The following KCNQ3 variants were observed in gnomAD, a reference collection of about 807,000 sequenced individuals.
KCNQ3 encodes potassium voltage-gated channel subfamily KQT member 3.
In KCNQ3, 30 loss-of-function variants were observed where a neutral mutation model predicts 92.5. The ratio of observed to expected loss-of-function variants is 0.32; its 90% confidence interval spans 0.24 to 0.44. KCNQ3 has a LOEUF of 0.44. Ranked by LOEUF, KCNQ3 falls within the 20% of genes least tolerant of loss-of-function variation. The probability of loss-of-function intolerance (pLI) is 1.00; values close to 1 mark genes in which losing one functional copy is unlikely to be tolerated. For missense variants in KCNQ3, 913 were observed against 1,140.3 expected (o/e 0.80, Z 2.87); for synonymous variants, 450 against 468.8 (o/e 0.96, Z 0.52).
chr8:132,260,736 C>T (rs1232212845), intron 1 of KCNQ3, among the ~76,000 whole-genome samples: 1 of 152,084 alleles, frequency 6.6e-6, no homozygotes, highest in African/African-American at 2.4e-5. Context: ...TTATCAACTT[C>T]TGCTTTGATC....
intron 1 of KCNQ3, among the ~76,000 whole-genome samples, chr8:132,352,106 C>G (rs1248778254): frequency 6.6e-6 from 1 of 152,138 alleles, no homozygotes; most frequent in Admixed American, 6.5e-5. Flanking sequence ...GTGAGGGTGG[C>G]ACTGTTTTCA....
At chr8:132,178,670 G>A (rs192622974) in intron 4 of KCNQ3, among the ~76,000 whole-genome samples, 1 of 152,094 alleles carries the variant, frequency 6.6e-6, no homozygotes, top group African/African-American at 2.4e-5. Context: ...ACTCCGAGAT[G>A]CAATCTCATA....
intron 1 of KCNQ3, among the ~76,000 whole-genome samples, chr8:132,253,641 A>G (rs746774727): frequency 1.3e-5 from 2 of 152,168 alleles, no homozygotes; most frequent in Non-Finnish European, 2.9e-5. Flanking sequence ...TCTGCTTTAT[A>G]CATTTATTCT....
Position 132,191,755 on chromosome 8 carries a change from A to G in KCNQ3, c.387-5574T>C, listed in dbSNP as rs370606232. On this transcript the variant is annotated intron_variant, in intron 1 of 14. Coordinates refer to ENST00000388996, the MANE Select transcript of KCNQ3 (RefSeq NM_004519.4). The stretch of plus-strand genomic sequence containing the variant: ...CGACGTTATCATGAGCTGACCAGAG[A>G]GGAGGAGGGTGCGCTGGAGAGATGA... Among the ~76,000 whole-genome samples, 20 of 151,946 alleles carry G rather than the reference A, an allele frequency of 1.3e-4. No homozygotes were observed. The East Asian group carries it at 2.7e-3, about 21-fold the overall frequency.
chr8:132,150,201 G>T (rs1034779925), intron 9 of KCNQ3, among the ~76,000 whole-genome samples: 1 of 152,100 alleles, frequency 6.6e-6, no homozygotes, highest in Non-Finnish European at 1.5e-5. Context: ...AGCCATTCTG[G>T]TGTGCTTTGC....
chr8:132,249,765 C>T (rs1042683846), intron 1 of KCNQ3, among the ~76,000 whole-genome samples: 9 of 152,160 alleles, frequency 5.9e-5, no homozygotes, highest in African/African-American at 1.2e-4. Context: ...GGGGGAGGCT[C>T]GGGCATGACG....
chr8:132,221,449 C>T (rs147431603), intron 1 of KCNQ3, among the ~76,000 whole-genome samples: 7,234 of 152,216 alleles, frequency 0.048, 585 homozygotes, highest in African/African-American at 0.16. Context: ...AAAAGTGTTC[C>T]TATTTCTTCA....
intron 8 of KCNQ3, among the ~76,000 whole-genome samples, chr8:132,168,462 C>T (rs1355632268): frequency 1.3e-5 from 2 of 151,992 alleles, no homozygotes; most frequent in African/African-American, 4.8e-5. Flanking sequence ...GACGGAGTGC[C>T]CTGAGTGCCC....
intron 1 of KCNQ3, among the ~76,000 whole-genome samples, chr8:132,428,725 G>A (rs953456248): frequency 2.6e-5 from 4 of 152,180 alleles, no homozygotes; most frequent in African/African-American, 4.8e-5. Context: ...CATATGCCTC[G>A]CCAGGAGCAC....
chr8:132,327,320 T>G (rs1818088951), intron 1 of KCNQ3, among the ~76,000 whole-genome samples: 1 of 152,190 alleles, frequency 6.6e-6, no homozygotes, highest in African/African-American at 2.4e-5. Flanking sequence ...TTTGCCTTAT[T>G]TCTTTGAATT....
intron 1 of KCNQ3, among the ~76,000 whole-genome samples, chr8:132,404,655 TAA>T (rs1379449804): frequency 1.3e-5 from 2 of 152,280 alleles, no homozygotes; most frequent in Non-Finnish European, 2.9e-5. Flanking sequence ...CTCCTTGCAA[TAA>T]ATCCCTTTAT....
chr8:132,182,002 G>A (rs556910439), intron 3 of KCNQ3, among the ~76,000 whole-genome samples: 2 of 148,474 alleles, frequency 1.3e-5, no homozygotes, highest in Non-Finnish European at 3.0e-5. Context: ...CCGAGATCGT[G>A]CCACTGCACT....
intron 1 of KCNQ3, among the ~76,000 whole-genome samples, chr8:132,479,195 G>T (rs1327674780): frequency 6.6e-6 from 1 of 151,888 alleles, no homozygotes; most frequent in African/African-American, 2.4e-5. Context: ...TCCCAAATAC[G>T]GGTGGATTTT....
intron 13 of KCNQ3, 92 bp downstream of exon 13, chr8:132,134,198 C>A: frequency 1.1e-6 from 1 of 914,104 alleles, no homozygotes; most frequent in Non-Finnish European, 1.8e-6. Flanking sequence ...GACAACTTCA[C>A]CCACATAAAG....
intron 1 of KCNQ3, among the ~76,000 whole-genome samples, chr8:132,273,058 G>A (rs1816202571): frequency 6.6e-6 from 1 of 152,132 alleles, no homozygotes; most frequent in Admixed American, 6.5e-5. Flanking sequence ...CCATTCTGGG[G>A]TCTGGAGGAT....
chr8:132,441,790 T>C (rs1273977604), intron 1 of KCNQ3, among the ~76,000 whole-genome samples: 1 of 152,194 alleles, frequency 6.6e-6, no homozygotes, highest in African/African-American at 2.4e-5. Flanking sequence ...ATGTCATTTT[T>C]TGACGTTTTA....
intron 1 of KCNQ3, among the ~76,000 whole-genome samples, chr8:132,291,947 A>C (rs1303632281): frequency 6.6e-6 from 1 of 152,256 alleles, no homozygotes; most frequent in Non-Finnish European, 1.5e-5. Flanking sequence ...ACAGAGCAGG[A>C]GCTCTCCATA....
chr8:132,303,911 C>A (rs922633201), intron 1 of KCNQ3, among the ~76,000 whole-genome samples: 1 of 151,220 alleles, frequency 6.6e-6, no homozygotes, highest in Non-Finnish European at 1.5e-5. Flanking sequence ...ATGTAACATT[C>A]TTTTTATGTC....
intron 1 of KCNQ3, among the ~76,000 whole-genome samples, chr8:132,337,468 T>C (rs987735312): frequency 1.3e-5 from 2 of 152,068 alleles, no homozygotes; most frequent in African/African-American, 4.8e-5. Flanking sequence ...CGTATCACTG[T>C]ACTCCAGCCT....
Sources: allele counts gnomAD v4.1 joint callset (sites outside exome capture counted in the v4.1 genomes callset), GRCh38; gene constraint gnomAD v4.1.1; transcripts MANE v1.5; gene names NCBI Gene and HGNC (gene_info 2026-07-23, HGNC 2026-07-21).